The following SGK3 variants were observed in gnomAD, a reference collection of about 807,000 sequenced individuals.
SGK3 encodes the protein serine/threonine-protein kinase Sgk3.
Under a neutral mutation model 68.5 loss-of-function variants are expected in SGK3, and 47 were observed. That is an observed-to-expected ratio of 0.69 (90% CI 0.54 to 0.87). The LOEUF is 0.87. SGK3 is among the 40% of genes least tolerant of loss of function. The pLI, the probability that SGK3 is intolerant of heterozygous loss-of-function variation, is 0.00. For synonymous variants in SGK3, 181 were observed against 189.1 expected (o/e 0.96, Z 0.35); for missense variants, 479 against 575.5 (o/e 0.83, Z 1.72).
At chr8:66,811,047 G>T (rs1482200289) in intron 4 of SGK3, among the ~76,000 whole-genome samples, 1 of 152,098 alleles carries the variant, frequency 6.6e-6, no homozygotes, top group Non-Finnish European at 1.5e-5. Context: ...TTGAGTCAGT[G>T]TCTCTGTTGC....
At chr8:66,804,528 T>A in intron 4 of SGK3, 81 bp downstream of exon 4, 1 of 1,388,332 alleles carries the variant, frequency 7.2e-7, no homozygotes. Context: ...TTGCACTGTA[T>A]AGCAGTGCAG....
chr8:66,777,156 C>CT (rs1806746127), intron 1 of SGK3, among the ~76,000 whole-genome samples: 1 of 152,220 alleles, frequency 6.6e-6, no homozygotes, highest in Non-Finnish European at 1.5e-5. Flanking sequence ...GTTGCTGACT[C>CT]TTCCCCAACT....
chr8:66,798,499 G>T, intron 2 of SGK3, 43 bp from the exon 3 acceptor site: 1 of 1,520,304 alleles, frequency 6.6e-7, no homozygotes, highest in African/African-American at 1.4e-5. Context: ...TGGGTTTTTT[G>T]CAATTAAATT....
At chr8:66,856,891 G>A (rs1468497986) in intron 16 of SGK3, among the ~76,000 whole-genome samples, 1 of 152,082 alleles carries the variant, frequency 6.6e-6, no homozygotes, top group Non-Finnish European at 1.5e-5. Context: ...TCAGAAGTTC[G>A]AGACCAGCCT....
chr8:66,845,568 C>T (rs2130735551), intron 14 of SGK3, among the ~76,000 whole-genome samples: 1 of 152,024 alleles, frequency 6.6e-6, no homozygotes, highest in East Asian at 1.9e-4. Context: ...CTGTGTTGCT[C>T]AGGCTGGAGT....
intron 2 of SGK3, among the ~76,000 whole-genome samples, chr8:66,797,637 G>C (rs1807753220): frequency 6.6e-6 from 1 of 152,156 alleles, no homozygotes; most frequent in African/African-American, 2.4e-5. Context: ...TAGGAAATCT[G>C]AGGATAAATT....
In SGK3 at chr8:66,861,998, A is replaced by G. The variant is rs1416651185; in HGVS notation, c.*2417A>G. ...CACAAGAAATACAAATCTATATAGT[A>G]TAATAAAATCAGCAAAAAGATCAAC... On this transcript the variant is annotated 3_prime_UTR_variant, in exon 17 of 17. Transcript: ENST00000521198. The G allele has an allele frequency of 6.6e-6, 1 of 152,212 alleles. No homozygotes were observed. The highest frequency in any genetic ancestry group is 2.4e-5 in the African/African-American group (1 of 41,456). 9.4% of individuals were successfully genotyped at this position (152,212 alleles called of 1,614,324 possible). A position where few individuals can be genotyped will look rare whatever the true frequency, so the allele number is the denominator to read the frequency against.
At chr8:66,799,834 G>A (rs1385948755) in intron 3 of SGK3, among the ~76,000 whole-genome samples, 1 of 152,112 alleles carries the variant, frequency 6.6e-6, no homozygotes, top group Non-Finnish European at 1.5e-5. Flanking sequence ...ATGTTGGCGA[G>A]GCTGGTCTCA....
Position 66,831,267 on chromosome 8 carries a change from G to T in SGK3, c.481G>T (p.Asp161Tyr). The T allele has an allele frequency of 6.2e-7, 1 of 1,613,990 alleles. No individual in the cohort carries two copies. The highest frequency in any genetic ancestry group is 1.1e-5 in the South Asian group (1 of 91,038). ...PSGNPHAKPT[D>Y]FDFLKVIGKG... ...AATTTATTTCAGTGCCAAACCAACT[G>T]ACTTTGATTTCTTAAAAGTTATTGG... Residue 161 changes from aspartate to tyrosine, a missense_variant, in exon 8 of 17, where the codon GAC (aspartate) becomes TAC (tyrosine). Physicochemically the swap from Asp to Tyr is radical, Grantham distance 160. Coordinates refer to ENST00000521198, the MANE Select transcript of SGK3 (RefSeq NM_001033578.3).
At chr8:66,767,745 G>T (rs756249718) in intron 1 of SGK3, 2 of 1,567,422 alleles carry the variant, frequency 1.3e-6, no homozygotes, top group South Asian at 1.1e-5. Flanking sequence ...TGGCAGAAAA[G>T]CTTGGCTGTT....
chr8:66,813,747 C>A, intron 4 of SGK3, 106 bp from the exon 5 acceptor site: 1 of 888,102 alleles, frequency 1.1e-6, no homozygotes, highest in Non-Finnish European at 1.5e-6. Flanking sequence ...TTAAAAATAG[C>A]TTCTTAATCA....
intron 1 of SGK3, among the ~76,000 whole-genome samples, chr8:66,788,311 CGATGGGCT>C (rs1807292457): frequency 6.6e-6 from 1 of 152,182 alleles, no homozygotes; most frequent in Non-Finnish European, 1.5e-5. Context: ...ACTCTGTTCA[CGATGGGCT>C]GTTGTTTTTA....
rs1000587640 is a variant in SGK3, at chr8:66,750,457, G to A, written c.-122+37624G>A. On this transcript the variant is annotated intron_variant, in intron 1 of 16. Coordinates refer to ENST00000521198, the MANE Select transcript of SGK3 (RefSeq NM_001033578.3). ...CCCTCAAAGAATGTAGAGTTTAGTG[G>A]GATAGAAGAATATGTAAACAGGCAA... Among the ~76,000 whole-genome samples, 8 of 152,006 alleles carry A rather than the reference G, an allele frequency of 5.3e-5. No homozygotes were observed. The East Asian group carries it at 1.5e-3, about 29-fold the overall frequency.
At chr8:66,799,236 T>G (rs900409272) in intron 3 of SGK3, among the ~76,000 whole-genome samples, 1 of 152,168 alleles carries the variant, frequency 6.6e-6, no homozygotes, top group African/African-American at 2.4e-5. Context: ...CTTGCTAAAG[T>G]AGGCAGCAAA....
chr8:66,775,121 CG>C (rs1440900469), intron 1 of SGK3: 1 of 152,036 alleles, frequency 6.6e-6, no homozygotes, highest in African/African-American at 2.4e-5. Flanking sequence ...CGGGGCTGAC[CG>C]AGCCATATTC....
rs1484767643 is a variant in SGK3, at chr8:66,861,354, T to G, written c.*1773T>G. On this transcript the variant is annotated 3_prime_UTR_variant, in exon 17 of 17. Coordinates refer to ENST00000521198, the MANE Select transcript of SGK3 (RefSeq NM_001033578.3). The stretch of plus-strand genomic sequence containing the variant: ...GGCACGGTGGCTCATGCCTATAAAA[T>G]TCCAGCACTTTGGGAGGCCAAGGCA... 1 of 152,060 alleles carries G rather than the reference T, an allele frequency of 6.6e-6. No individual in the cohort carries two copies. Among genetic ancestry groups the G allele is most frequent in the Non-Finnish European group, 1.5e-5 (1 of 68,054 alleles). The allele number at this position is 152,060 out of a possible 1,614,324, so 9.4% of individuals were successfully genotyped here.
At chr8:66,760,809 C>G (rs1326203879) in intron 1 of SGK3, among the ~76,000 whole-genome samples, 1 of 152,094 alleles carries the variant, frequency 6.6e-6, no homozygotes, top group Non-Finnish European at 1.5e-5. Flanking sequence ...TGATATATAG[C>G]AGAAGTGCTT....
intron 5 of SGK3, among the ~76,000 whole-genome samples, chr8:66,816,337 C>CTTTTTTTTTT (rs1177867449): frequency 1.5e-4 from 17 of 114,120 alleles, no homozygotes; most frequent in African/African-American, 4.9e-4. Flanking sequence ...GTGACATTTC[C>CTTTTTTTTTT]TTTTTTTTTT....
At chr8:66,744,242 C>T (rs928985302) in intron 1 of SGK3, among the ~76,000 whole-genome samples, 1 of 151,822 alleles carries the variant, frequency 6.6e-6, no homozygotes, top group Non-Finnish European at 1.5e-5. Context: ...GCATTGCTCC[C>T]TTGTCTTCTA....
Sources: gnomAD v4.1 joint callset for allele counts (sites outside exome capture counted in the v4.1 genomes callset) on GRCh38, gnomAD v4.1.1 for gene constraint, MANE v1.5 for transcripts, NCBI Gene and HGNC (gene_info 2026-07-23, HGNC 2026-07-21) for gene names.